The following CNTNAP2 variants were observed in gnomAD, a reference collection of about 807,000 sequenced individuals.
CNTNAP2 encodes contactin-associated protein-like 2.
A neutral mutation model predicts 155.2 loss-of-function variants in CNTNAP2; 98 were observed. That is an observed-to-expected ratio of 0.63 (90% CI 0.54 to 0.75). The LOEUF (loss-of-function observed/expected upper bound fraction) is 0.75, where lower values mean the gene tolerates loss of function less well. Ranked by LOEUF, CNTNAP2 falls within the 30% of genes least tolerant of loss-of-function variation. The pLI is 0.00. For missense variants in CNTNAP2, 1,727 were observed against 1,688.1 expected (o/e 1.02, Z -0.40); for synonymous variants, 651 against 631.2 (o/e 1.03, Z -0.47).
At chr7:147,573,320 G>A (rs963665760) in intron 12 of CNTNAP2, among the ~76,000 whole-genome samples, 2 of 152,068 alleles carry the variant, frequency 1.3e-5, no homozygotes, top group African/African-American at 2.4e-5. Flanking sequence ...TCTCATGTTC[G>A]GTTTTTACTC....
chr7:146,316,490 A>G (rs554459433), intron 1 of CNTNAP2, among the ~76,000 whole-genome samples: 119 of 152,178 alleles, frequency 7.8e-4, no homozygotes, highest in African/African-American at 2.7e-3. Context: ...ATTTAGATAA[A>G]AGACTTAAAC....
At chr7:148,016,011 A>C (rs371017768) in intron 15 of CNTNAP2, among the ~76,000 whole-genome samples, 13 of 152,376 alleles carry the variant, frequency 8.5e-5, no homozygotes, top group East Asian at 1.9e-4. Context: ...TTTCCCTTAC[A>C]ACTACATTTA....
At chr7:148,045,713 A>G (rs773225921) in intron 15 of CNTNAP2, among the ~76,000 whole-genome samples, 12 of 152,348 alleles carry the variant, frequency 7.9e-5, no homozygotes, top group Non-Finnish European at 1.5e-4. Flanking sequence ...TTGAGAAACC[A>G]TAATAGACAC....
At chr7:146,511,035 C>A (rs374223817) in intron 1 of CNTNAP2, among the ~76,000 whole-genome samples, 212 of 152,006 alleles carry the variant, frequency 1.4e-3, no homozygotes, top group African/African-American at 4.8e-3. Context: ...TAGCTGGGAC[C>A]ACAGGTGCCC....
At chr7:148,394,563 G>C (rs1466411380) in intron 22 of CNTNAP2, among the ~76,000 whole-genome samples, 2 of 152,096 alleles carry the variant, frequency 1.3e-5, no homozygotes, top group African/African-American at 4.8e-5. Context: ...TTTTTACTGG[G>C]ATTAAGGTTT....
At chr7:146,372,665 C>T (rs150313623) in intron 1 of CNTNAP2, among the ~76,000 whole-genome samples, 104 of 152,206 alleles carry the variant, frequency 6.8e-4, no homozygotes, top group African/African-American at 2.4e-3. Flanking sequence ...TAAACCTAGA[C>T]GTACCCTAAA....
At chr7:147,431,213 A>C (rs994730407) in intron 10 of CNTNAP2, among the ~76,000 whole-genome samples, 1 of 151,944 alleles carries the variant, frequency 6.6e-6, no homozygotes, top group Non-Finnish European at 1.5e-5. Flanking sequence ...TTTTTCTTTT[A>C]TTTGATAAAT....
chr7:147,535,281 A>T (rs555563024), intron 11 of CNTNAP2, among the ~76,000 whole-genome samples: 1 of 152,154 alleles, frequency 6.6e-6, no homozygotes, highest in African/African-American at 2.4e-5. Flanking sequence ...AATCCCAGCT[A>T]CTCAGGAGGC....
chr7:146,842,605 C>G (rs774263702), intron 3 of CNTNAP2, among the ~76,000 whole-genome samples: 1 of 152,100 alleles, frequency 6.6e-6, no homozygotes, highest in Non-Finnish European at 1.5e-5. Context: ...AAGAAACTTA[C>G]TATCATGGCA....
Position 148,415,494 on chromosome 7 carries a change from A to G in CNTNAP2, c.3874A>G (p.Thr1292Ala). 2 of 1,614,210 alleles carry G rather than the reference A, an allele frequency of 1.2e-6. No individual in the cohort carries two copies. The highest frequency in any genetic ancestry group is 1.7e-6 in the Non-Finnish European group (2 of 1,180,030). ...CCGGTACATGTTCCGCCACAAGGGC[A>G]CCTACCATACCAACGAAGCAAAGGG... is the stretch of plus-strand genomic sequence containing the variant. ...LIRYMFRHKG[T>A]YHTNEAKGAE... The change falls in exon 24 of 24, where the codon ACC (threonine) becomes GCC (alanine). Residue 1292 changes from threonine (T) to alanine (A), a missense_variant. Physicochemically the swap from Thr to Ala is moderately conservative, Grantham distance 58. Coordinates refer to ENST00000361727, the MANE Select transcript of CNTNAP2 (RefSeq NM_014141.6).
intron 15 of CNTNAP2, among the ~76,000 whole-genome samples, chr7:148,104,567 C>T (rs566829832): frequency 5.9e-5 from 9 of 152,300 alleles, no homozygotes; most frequent in Non-Finnish European, 1.0e-4. Context: ...GACCATCCTT[C>T]ATTACAACAG....
intron 15 of CNTNAP2, among the ~76,000 whole-genome samples, chr7:148,102,434 T>G (rs1237734286): frequency 6.6e-6 from 1 of 152,216 alleles, no homozygotes; most frequent in Non-Finnish European, 1.5e-5. Context: ...GTGATGCACA[T>G]TTGTGTGCAG....
rs555756129 is a variant in CNTNAP2 at position 147,813,386 on chromosome 7, T to C, written c.2099-90179T>C. On this transcript the variant is annotated intron_variant, in intron 13 of 23. Coordinates refer to ENST00000361727, the MANE Select transcript of CNTNAP2 (RefSeq NM_014141.6). ...AAGCCTTTTTAGATGAAAAAGATAG[T>C]CATATGTCTCCAAACCCTCATGTGT... 1.1e-4 allele frequency among the ~76,000 whole-genome samples: 17 copies of C among 152,288 alleles called. No individual in the cohort carries two copies. The East Asian group carries it at 2.9e-3, about 26-fold the overall frequency.
intron 12 of CNTNAP2, among the ~76,000 whole-genome samples, chr7:147,633,088 C>T (rs1403455773): frequency 2.0e-5 from 3 of 152,188 alleles, no homozygotes; most frequent in Non-Finnish European, 4.4e-5. Context: ...GGCCCAGAGG[C>T]CTAGGAGGGA....
intron 13 of CNTNAP2, among the ~76,000 whole-genome samples, chr7:147,687,297 T>A (rs1192436880): frequency 6.6e-6 from 1 of 152,128 alleles, no homozygotes; most frequent in Non-Finnish European, 1.5e-5. Context: ...AATGGGTGCA[T>A]TGCCTTGTAT....
intron 8 of CNTNAP2, among the ~76,000 whole-genome samples, chr7:147,265,437 T>A (rs1171139367): frequency 6.6e-6 from 1 of 152,078 alleles, no homozygotes; most frequent in Non-Finnish European, 1.5e-5. Context: ...CCATCCCTCC[T>A]CACTGAGTGG....
intron 8 of CNTNAP2, among the ~76,000 whole-genome samples, chr7:147,254,509 G>A (rs572577384): frequency 6.6e-6 from 1 of 151,704 alleles, no homozygotes; most frequent in Non-Finnish European, 1.5e-5. Flanking sequence ...AAACTTTTTT[G>A]GTTGATTTTT....
chr7:147,568,537 C>G (rs575133281), intron 12 of CNTNAP2, among the ~76,000 whole-genome samples: 2 of 152,054 alleles, frequency 1.3e-5, no homozygotes, highest in East Asian at 3.9e-4. Context: ...AAAGCCAAAG[C>G]CTGGTTTCTT....
intron 13 of CNTNAP2, among the ~76,000 whole-genome samples, chr7:147,646,872 G>A (rs1415518506): frequency 2.6e-5 from 4 of 152,086 alleles, no homozygotes; most frequent in Admixed American, 2.6e-4. Flanking sequence ...TAGTTGTAAT[G>A]CCTTCTTAAG....
Sources: allele counts gnomAD v4.1 joint callset (sites outside exome capture counted in the v4.1 genomes callset), GRCh38; gene constraint gnomAD v4.1.1; transcripts MANE v1.5; gene names NCBI Gene and HGNC (gene_info 2026-07-23, HGNC 2026-07-21).